KYNU: variants seen among roughly 807,000 people sequenced by gnomAD.
KYNU encodes L-kynurenine hydrolase.
In KYNU, 54 loss-of-function variants were observed where a neutral mutation model predicts 59.2. The ratio of observed to expected loss-of-function variants is 0.91; its 90% CI spans 0.73 to 1.14. The LOEUF is 1.14. Ranked by LOEUF, KYNU falls within the 50% of genes most tolerant of loss-of-function variation. The probability of loss-of-function intolerance (pLI) is 0.00; values close to 1 mark genes in which losing one functional copy is unlikely to be tolerated. For missense variants in KYNU, 567 were observed against 554.4 expected (o/e 1.02, Z -0.23); for synonymous variants, 177 against 192.0 (o/e 0.92, Z 0.65).
At chr2:143,031,267 AG>A (rs1474110370) in intron 11 of KYNU, among the ~76,000 whole-genome samples, 1 of 152,178 alleles carries the variant, frequency 6.6e-6, no homozygotes, top group East Asian at 1.9e-4. Flanking sequence ...GAATTTGATC[AG>A]GGGTAGCAAA....
At chr2:142,980,918 A>C (rs1685033939) in intron 8 of KYNU, among the ~76,000 whole-genome samples, 1 of 152,176 alleles carries the variant, frequency 6.6e-6, no homozygotes, top group South Asian at 2.1e-4. Context: ...AATGAAAATA[A>C]CTGGATGGCT....
intron 8 of KYNU, among the ~76,000 whole-genome samples, chr2:142,961,426 ATACTT>A (rs1294526370): frequency 6.6e-6 from 1 of 152,066 alleles, no homozygotes; most frequent in African/African-American, 2.4e-5. Context: ...AGCAGACAAA[ATACTT>A]AAGATAGGAA....
intron 10 of KYNU, among the ~76,000 whole-genome samples, chr2:143,011,941 A>G (rs1686113685): frequency 6.8e-6 from 1 of 146,022 alleles, no homozygotes; most frequent in Non-Finnish European, 1.5e-5. Flanking sequence ...GAGGGATAGC[A>G]CTGGGAGATA....
chr2:142,897,098 T>C (rs1368338484), intron 2 of KYNU, among the ~76,000 whole-genome samples: 2 of 152,238 alleles, frequency 1.3e-5, no homozygotes, highest in Non-Finnish European at 2.9e-5. Context: ...TACTGATTTG[T>C]AGTTTAATTG....
At chr2:143,039,791 T>C (rs1373625702) in intron 12 of KYNU, among the ~76,000 whole-genome samples, 3 of 152,138 alleles carry the variant, frequency 2.0e-5, no homozygotes, top group Non-Finnish European at 2.9e-5. Flanking sequence ...TCAGTAAATT[T>C]ACTTAATCTA....
At chr2:142,903,748 G>A (rs764806045) in intron 2 of KYNU, among the ~76,000 whole-genome samples, 20 of 152,262 alleles carry the variant, frequency 1.3e-4, no homozygotes, top group African/African-American at 3.9e-4. Flanking sequence ...GAGGACCTTC[G>A]TCCCCTGGGG....
At chr2:143,018,977 T>C (rs1376032055) in intron 10 of KYNU, among the ~76,000 whole-genome samples, 1 of 152,176 alleles carries the variant, frequency 6.6e-6, no homozygotes, top group East Asian at 1.9e-4. Flanking sequence ...TTTTTTTACA[T>C]TGATTTTGTG....
At chr2:142,978,642 C>T (rs901508044) in intron 8 of KYNU, among the ~76,000 whole-genome samples, 2 of 152,186 alleles carry the variant, frequency 1.3e-5, no homozygotes, top group Non-Finnish European at 2.9e-5. Flanking sequence ...CTCTCATGAA[C>T]TCAAGGGCTG....
intron 2 of KYNU, among the ~76,000 whole-genome samples, chr2:142,893,555 A>C (rs1681777174): frequency 4.6e-5 from 7 of 152,202 alleles, no homozygotes; most frequent in Admixed American, 4.6e-4. Flanking sequence ...TTTTCCAAGA[A>C]ACCTTGCTGT....
At chr2:143,011,764 G>T (rs1686105744) in intron 10 of KYNU, among the ~76,000 whole-genome samples, 2 of 112,782 alleles carry the variant, frequency 1.8e-5, no homozygotes, top group African/African-American at 7.4e-5. Context: ...TCCTTTGTAG[G>T]GACATGGATG....
At chr2:142,977,372 G>GAT (rs70997538) in intron 8 of KYNU, among the ~76,000 whole-genome samples, 12,365 of 131,150 alleles carry the variant, frequency 0.094, 1,175 homozygotes, top group East Asian at 0.25. Flanking sequence ...ATTTTGTGTG[G>GAT]ATATATATAT....
At chr2:142,987,317 G>A (rs1205135735) in intron 10 of KYNU, among the ~76,000 whole-genome samples, 1 of 151,780 alleles carries the variant, frequency 6.6e-6, no homozygotes, top group Admixed American at 6.6e-5. Context: ...AGAAGGAGGT[G>A]GGGTGGGGGG....
intron 2 of KYNU, among the ~76,000 whole-genome samples, chr2:142,914,174 T>C (rs1682597209): frequency 6.6e-6 from 1 of 152,168 alleles, no homozygotes; most frequent in African/African-American, 2.4e-5. Flanking sequence ...ATGCCCAGGA[T>C]TGCAAAGGTC....
rs972456110 is a variant in KYNU, at chr2:142,898,719, G to C, written c.169+13183G>C. Among the ~76,000 whole-genome samples the C allele has an allele frequency of 1.1e-3, 166 of 152,258 alleles. 2 individuals are homozygous for C. Among genetic ancestry groups the C allele is most frequent in the African/African-American group, 3.7e-3 (155 of 41,538 alleles). On this transcript the variant is annotated intron_variant, in intron 2 of 13. Transcript: ENST00000264170. The stretch of plus-strand genomic sequence containing the variant: ...TTTGTTCTTAGAGCTCCCAAGATGG[G>C]GCGGGCCGCTCCCAAGATGGCAGCA...
At chr2:142,899,547 G>A (rs114988418) in intron 2 of KYNU, among the ~76,000 whole-genome samples, 7 of 152,244 alleles carry the variant, frequency 4.6e-5, no homozygotes, top group African/African-American at 1.4e-4. Context: ...GCCGAACAAC[G>A]CTCTTAACTG....
Position 143,047,937 on chromosome 2 carries a change from C to CCTCTGCCTCCT in KYNU, c.*5765_*5766insCTCTGCCTCCT. The CCTCTGCCTCCT allele has an allele frequency of 2.7e-5, 4 of 146,736 alleles. No individual in the cohort carries two copies. The allele number at this position is 146,736 out of a possible 1,614,324, so 9.1% of individuals were successfully genotyped here. Reference sequence around the variant, plus strand: ...ATAGTGGCACGATCTCAGCTCACTGCGGGTTCAAGCAATTTTCATGCCTCA... The same window carrying CCTCTGCCTCCT: ...ATAGTGGCACGATCTCAGCTCACTGCCTCTGCCTCCTGGGTTCAAGCAATTTTCATGCCTCA... On this transcript the variant is annotated 3_prime_UTR_variant, in exon 14 of 14. Transcript: ENST00000264170.
chr2:142,947,833 A>G (rs936193541), intron 4 of KYNU: 4 of 152,434 alleles, frequency 2.6e-5, no homozygotes, highest in Non-Finnish European at 5.9e-5. Context: ...CAGAAATACC[A>G]TGGGCATCAT....
rs1687302188 is a variant in KYNU at position 143,053,488 on chromosome 2, A to C, written c.*11316A>C. On this transcript the variant is annotated 3_prime_UTR_variant, in exon 14 of 14. Coordinates refer to ENST00000264170, the MANE Select transcript of KYNU (RefSeq NM_003937.3). ...GCCAGGGGCAGAATGATATGGTTTGACTTTGTCCGCAGTCAAATCTCATCT... is the reference window on the plus strand; with the variant it reads ...GCCAGGGGCAGAATGATATGGTTTGCCTTTGTCCGCAGTCAAATCTCATCT... 6.6e-6 allele frequency: 1 copy of C among 152,148 alleles called. No individual in the cohort carries two copies. Among genetic ancestry groups the C allele is most frequent in the African/African-American group, 2.4e-5 (1 of 41,438 alleles). The allele number at this position is 152,148 out of a possible 1,614,324, so 9.4% of individuals were successfully genotyped here. A position where few individuals can be genotyped will look rare whatever the true frequency, so the allele number is the denominator to read the frequency against.
intron 2 of KYNU, among the ~76,000 whole-genome samples, chr2:142,911,415 TC>T (rs1348270892): frequency 2.0e-5 from 3 of 152,300 alleles, no homozygotes; most frequent in Non-Finnish European, 4.4e-5. Flanking sequence ...GATTTTATAT[TC>T]TGAAACTTTA....
Sources: allele counts gnomAD v4.1 joint callset (sites outside exome capture counted in the v4.1 genomes callset), GRCh38; gene constraint gnomAD v4.1.1; transcripts MANE v1.5; gene names NCBI Gene and HGNC (gene_info 2026-07-23, HGNC 2026-07-21).